The following ANAPC11 variants were observed in gnomAD, a reference collection of about 807,000 sequenced individuals.
ANAPC11 encodes anaphase promoting complex subunit 11.
In ANAPC11, 5 loss-of-function variants were observed where a neutral mutation model predicts 11.8. The ratio of observed to expected loss-of-function variants is 0.42; its 90% CI spans 0.22 to 0.89. ANAPC11 has a LOEUF of 0.89. Ranked by LOEUF, ANAPC11 falls within the 40% of genes least tolerant of loss-of-function variation. The pLI, the probability that ANAPC11 is intolerant of heterozygous loss-of-function variation, is 0.28. For synonymous variants in ANAPC11, 45 were observed against 41.0 expected, an observed-to-expected ratio of 1.10 and a Z score of -0.38; for missense variants, 68 against 112.9, an observed-to-expected ratio of 0.60 and a Z score of 1.80.
At chr17:81,897,827 C>T (rs2039794761) in intron 3 of ANAPC11, among the ~76,000 whole-genome samples, 1 of 152,028 alleles carries the variant, frequency 6.6e-6, no homozygotes, top group African/African-American at 2.4e-5. Context: ...AATGGAGTCT[C>T]ACTATGTTTC....
intron 2 of ANAPC11, 58 bp from the exon 3 acceptor site, chr17:81,894,409 T>A: frequency 9.4e-7 from 1 of 1,066,058 alleles, no homozygotes; most frequent in South Asian, 1.4e-5. Context: ...TGTTGGTGCC[T>A]AAACGTTCTA....
At chr17:81,894,694 C>A in intron 3 of ANAPC11, 108 bp downstream of exon 3, 3 of 516,474 alleles carry the variant, frequency 5.8e-6, no homozygotes, top group Non-Finnish European at 9.9e-6. Context: ...AATACCTGCA[C>A]GAAATACCCA....
At chr17:81,891,570 G>C (rs987240833), upstream of ANAPC11, 4 of 1,439,102 alleles carry the variant, frequency 2.8e-6, no homozygotes, top group African/African-American at 3.0e-5. Flanking sequence ...GGCGGGCGCG[G>C]AATCGGGCAT....
At chr17:81,894,056 T>C (rs993947873) in intron 2 of ANAPC11, among the ~76,000 whole-genome samples, 1 of 151,750 alleles carries the variant, frequency 6.6e-6, no homozygotes, top group African/African-American at 2.4e-5. Flanking sequence ...CAGTGGCAGA[T>C]CGCTTGAGGC....
intron 1 of ANAPC11, among the ~76,000 whole-genome samples, chr17:81,892,608 T>C (rs1263599614): frequency 7.0e-6 from 1 of 143,384 alleles, no homozygotes; most frequent in African/African-American, 2.8e-5. Flanking sequence ...CTGCAACCTC[T>C]GCCTCCTGGG....
At chr17:81,900,351 G>A (rs530802599), downstream of ANAPC11, 419 of 487,020 alleles carry the variant, frequency 8.6e-4, 1 homozygote, top group Admixed American at 2.6e-3. Context: ...TCCGTGAAAC[G>A]CCAAGGCCCT....
chr17:81,897,539 A>G (rs1251424692), intron 3 of ANAPC11, among the ~76,000 whole-genome samples: 2 of 152,010 alleles, frequency 1.3e-5, no homozygotes, highest in Non-Finnish European at 2.9e-5. Context: ...CAGTGTGGCA[A>G]AATCATAGCT....
intron 3 of ANAPC11, chr17:81,898,228 T>C (rs1355253466): frequency 1.3e-5 from 2 of 152,268 alleles, no homozygotes; most frequent in African/African-American, 2.4e-5. Context: ...CTCCGAACCA[T>C]GTGTCCACAC....
intron 3 of ANAPC11, chr17:81,899,132 G>C: frequency 8.4e-7 from 1 of 1,194,032 alleles, no homozygotes; most frequent in Non-Finnish European, 1.2e-6. Context: ...GCTGGGACTT[G>C]CTGTGCTCTG....
chr17:81,891,025 A>C, upstream of ANAPC11: 1 of 779,846 alleles, frequency 1.3e-6, no homozygotes, highest in Admixed American at 3.0e-5. Flanking sequence ...GTTCCCTTAG[A>C]CTAACTTCCC....
intron 3 of ANAPC11, chr17:81,899,347 C>T: frequency 6.2e-7 from 1 of 1,613,808 alleles, no homozygotes; most frequent in Non-Finnish European, 8.5e-7. Context: ...AACACAGCTT[C>T]CCCAACGCCT....
Position 81,891,817 on chromosome 17 carries a change from T to C in ANAPC11, c.-99T>C. On this transcript the variant is annotated 5_prime_UTR_variant, in exon 1 of 4. Coordinates refer to ENST00000344877, the MANE Select transcript of ANAPC11 (RefSeq NM_001002248.3). ...TACCTTCCCGCGCGGACGCCGGCGC[T>C]GCCAACGGAAGGGCGGGTAGGGCGG... The C allele has an allele frequency of 4.3e-6, 1 of 232,944 alleles. No homozygotes were observed. The highest frequency in any genetic ancestry group is 6.0e-5 in the South Asian group (1 of 16,616). The allele number at this position is 232,944 out of a possible 1,614,324, so 14.4% of individuals were successfully genotyped here. A position where few individuals can be genotyped will look rare whatever the true frequency, so the allele number is the denominator to read the frequency against.
intron 1 of ANAPC11, among the ~76,000 whole-genome samples, chr17:81,892,337 T>C (rs1598294964): frequency 6.6e-6 from 1 of 150,898 alleles, no homozygotes; most frequent in Non-Finnish European, 1.5e-5. Flanking sequence ...GGCATGGTGG[T>C]GCACTTCTGT....
chr17:81,899,939 C>T lies in ANAPC11; in HGVS notation c.129C>T (p.Asp43=). ...CCPDCKVPGD[D]CPLVWGQCSH... is the part of the protein sequence containing the mutation. Reference sequence around the variant, plus strand: ...CCGTAGGCAAGGTGCCCGGCGACGACTGCCCGCTGGTGTGGGGCCAGTGCT... The same window carrying T: ...CCGTAGGCAAGGTGCCCGGCGACGATTGCCCGCTGGTGTGGGGCCAGTGCT... The change falls in exon 4 of 4, where the codon GAC becomes GAT. Residue 43 remains aspartate (D), a synonymous_variant. Transcript: ENST00000344877. 6.2e-7 allele frequency: 1 copy of T among 1,609,912 alleles called. No homozygotes were observed. Among genetic ancestry groups the T allele is most frequent in the Non-Finnish European group, 8.5e-7 (1 of 1,177,314 alleles).
At chr17:81,898,485 G>T (rs1351625123) in intron 3 of ANAPC11, 1 of 152,276 alleles carries the variant, frequency 6.6e-6, no homozygotes, top group Non-Finnish European at 1.5e-5. Context: ...CAGAGACTCA[G>T]GAGTTGAGAG....
upstream of ANAPC11, chr17:81,890,965 A>G (rs1283071619): frequency 6.4e-6 from 8 of 1,259,622 alleles, no homozygotes; most frequent in Non-Finnish European, 8.7e-6. Flanking sequence ...CCGGCGCTGC[A>G]GCTGCCCCAG....
intron 3 of ANAPC11, chr17:81,898,291 G>A (rs527888908): frequency 5.2e-5 from 8 of 152,398 alleles, no homozygotes; most frequent in Non-Finnish European, 1.2e-4. Flanking sequence ...CTGTGGATTA[G>A]AGGTGGTGCT....
At chr17:81,896,340 T>G (rs987323847) in intron 3 of ANAPC11, among the ~76,000 whole-genome samples, 1 of 152,112 alleles carries the variant, frequency 6.6e-6, no homozygotes, top group Admixed American at 6.5e-5. Context: ...AAGAATCGCT[T>G]GAACCTGGGA....
chr17:81,898,398 G>A (rs1427325604), intron 3 of ANAPC11: 1 of 152,232 alleles, frequency 6.6e-6, no homozygotes, highest in Non-Finnish European at 1.5e-5. Flanking sequence ...GCATCCAGAG[G>A]GTGTTGCCCT....
Sources: allele counts gnomAD v4.1 joint callset (sites outside exome capture counted in the v4.1 genomes callset), GRCh38; gene constraint gnomAD v4.1.1; transcripts MANE v1.5; gene names NCBI Gene and HGNC (gene_info 2026-07-23, HGNC 2026-07-21).